SOX5: variants seen among roughly 807,000 people sequenced by gnomAD.
SOX5 encodes the protein SRY-box transcription factor 5, also known as transcription factor SOX-5.
In SOX5, 9 loss-of-function variants were observed where a neutral mutation model predicts 92.0. The ratio of observed to expected loss-of-function variants is 0.10; its 90% CI spans 0.06 to 0.17. The LOEUF (loss-of-function observed/expected upper bound fraction) is 0.17. Ranked by LOEUF, SOX5 falls within the 10% of genes least tolerant of loss-of-function variation. SOX5 has a pLI of 1.00. For missense variants in SOX5, 642 were observed against 944.5 expected, an observed-to-expected ratio of 0.68 and a Z score of 4.20; for synonymous variants, 344 against 336.3, an observed-to-expected ratio of 1.02 and a Z score of -0.25.
chr12:23,936,884 G>A (rs572974717), intron 1 of SOX5, among the ~76,000 whole-genome samples: 46 of 151,020 alleles, frequency 3.0e-4, no homozygotes, highest in African/African-American at 8.5e-4. Flanking sequence ...AAGCCAGTGC[G>A]TATTTTATAT....
intron 1 of SOX5, among the ~76,000 whole-genome samples, chr12:24,505,846 T>TGTGC (rs1948670535): frequency 7.1e-6 from 1 of 140,964 alleles, no homozygotes; most frequent in Admixed American, 7.3e-5. Context: ...TGTGTGTGTG[T>TGTGC]GTGTGTGCGT....
intron 4 of SOX5, among the ~76,000 whole-genome samples, chr12:24,199,976 T>C (rs756605792): frequency 4.6e-5 from 7 of 152,020 alleles, no homozygotes; most frequent in African/African-American, 7.2e-5. Context: ...TAATTTGAAA[T>C]AGATAAAGGA....
chr12:24,189,282 C>T (rs917487795), intron 4 of SOX5, among the ~76,000 whole-genome samples: 1 of 152,168 alleles, frequency 6.6e-6, no homozygotes, highest in Non-Finnish European at 1.5e-5. Flanking sequence ...AGGGATCCAT[C>T]CGTATTAAAT....
chr12:24,048,990 C>G (rs968625589), intron 4 of SOX5, among the ~76,000 whole-genome samples: 1 of 152,082 alleles, frequency 6.6e-6, no homozygotes, highest in African/African-American at 2.4e-5. Flanking sequence ...CCACTGAATT[C>G]TTCAGTTTAT....
chr12:24,356,434 C>T (rs1954833956), intron 2 of SOX5, among the ~76,000 whole-genome samples: 1 of 151,834 alleles, frequency 6.6e-6, no homozygotes, highest in Admixed American at 6.6e-5. Context: ...TCTCTCTGTT[C>T]CTCCTCCTTC....
At chr12:24,528,771 C>T (rs1950932782) in intron 1 of SOX5, among the ~76,000 whole-genome samples, 1 of 152,202 alleles carries the variant, frequency 6.6e-6, no homozygotes, top group African/African-American at 2.4e-5. Context: ...CATTTATAGG[C>T]TATGGAATAG....
intron 1 of SOX5, among the ~76,000 whole-genome samples, chr12:24,386,673 G>T (rs376859681): frequency 6.6e-5 from 10 of 152,100 alleles, no homozygotes; most frequent in African/African-American, 2.4e-4. Flanking sequence ...TCCTACCCCA[G>T]GATCCATACA....
chr12:24,130,364 A>G (rs1350827775), intron 4 of SOX5, among the ~76,000 whole-genome samples: 1 of 152,210 alleles, frequency 6.6e-6, no homozygotes, highest in Non-Finnish European at 1.5e-5. Context: ...ATTGACAGAG[A>G]ACATAAAAGG....
At chr12:23,695,829 T>C (rs2089718749) in intron 6 of SOX5, among the ~76,000 whole-genome samples, 1 of 150,224 alleles carries the variant, frequency 6.7e-6, no homozygotes, top group Admixed American at 6.7e-5. Flanking sequence ...TAGTTCCAGC[T>C]ACTCGAGAGG....
chr12:23,725,911 A>G (rs12303698), intron 6 of SOX5, among the ~76,000 whole-genome samples: 4,595 of 152,264 alleles, frequency 0.03, 260 homozygotes, highest in African/African-American at 0.1. Flanking sequence ...AGTATGATAA[A>G]GACTGAGAAT....
At chr12:23,586,273 CTT>C (rs1403535028) in intron 9 of SOX5, among the ~76,000 whole-genome samples, 4 of 152,122 alleles carry the variant, frequency 2.6e-5, no homozygotes, top group African/African-American at 9.7e-5. Flanking sequence ...ACCCCTGTCT[CTT>C]GTTTTTCCCC....
At chr12:23,922,659 A>T (rs1938655797) in intron 1 of SOX5, among the ~76,000 whole-genome samples, 2 of 152,226 alleles carry the variant, frequency 1.3e-5, no homozygotes, top group Non-Finnish European at 2.9e-5. Flanking sequence ...TATATGTAAC[A>T]TGTGTCATAT....
At chr12:24,175,863 T>C (rs1954751452) in intron 4 of SOX5, among the ~76,000 whole-genome samples, 1 of 152,084 alleles carries the variant, frequency 6.6e-6, no homozygotes, top group South Asian at 2.1e-4. Context: ...AGGGCTTCCC[T>C]AATGCCACAG....
intron 1 of SOX5, among the ~76,000 whole-genome samples, chr12:24,518,727 A>T (rs11047486): frequency 0.086 from 13,033 of 152,222 alleles, 634 homozygotes; most frequent in South Asian, 0.14. Context: ...CATTTTATGG[A>T]ATTTTCCAAG....
chr12:24,029,910 C>T (rs1955293588), intron 4 of SOX5, among the ~76,000 whole-genome samples: 1 of 151,986 alleles, frequency 6.6e-6, no homozygotes, highest in Admixed American at 6.6e-5. Context: ...ATATTGTAAA[C>T]TAACCACATC....
chr12:24,459,041 G>C (rs1052109321), intron 1 of SOX5, among the ~76,000 whole-genome samples: 1 of 152,100 alleles, frequency 6.6e-6, no homozygotes, highest in African/African-American at 2.4e-5. Context: ...ACCTGATCCC[G>C]ACCAAAACTC....
At chr12:23,957,580 G>A (rs984781723) in intron 4 of SOX5, among the ~76,000 whole-genome samples, 2 of 152,176 alleles carry the variant, frequency 1.3e-5, no homozygotes, top group African/African-American at 4.8e-5. Flanking sequence ...TGTAATGTTA[G>A]AAATCCTGAC....
chr12:24,202,482 T>A lies in SOX5; in HGVS notation c.-2+10861A>T, dbSNP rs35543818. 1.8e-4 allele frequency among the ~76,000 whole-genome samples: 28 copies of A among 152,298 alleles called. No homozygotes were observed. The East Asian group carries it at 4.8e-3, about 26-fold the overall frequency. Reference sequence around the variant, plus strand: ...AATCATCAAAACCAAAAGATTAACATTGATACATTCATACATGATTTGATG... The same window carrying A: ...AATCATCAAAACCAAAAGATTAACAATGATACATTCATACATGATTTGATG... On this transcript the variant is annotated intron_variant, in intron 4 of 4. Coordinates refer to the SOX5 transcript ENST00000446891.
At chr12:23,910,831 C>T (rs2097343568) in intron 1 of SOX5, among the ~76,000 whole-genome samples, 1 of 152,006 alleles carries the variant, frequency 6.6e-6, no homozygotes, top group Non-Finnish European at 1.5e-5. Context: ...TTTTTCTATT[C>T]AACATAAAAT....
Sources: gnomAD v4.1 joint callset for allele counts (sites outside exome capture counted in the v4.1 genomes callset) on GRCh38, gnomAD v4.1.1 for gene constraint, MANE v1.5 for transcripts, NCBI Gene and HGNC (gene_info 2026-07-23, HGNC 2026-07-21) for gene names.